SHANK2: variants seen among roughly 807,000 people sequenced by gnomAD.
SHANK2 encodes SH3 and multiple ankyrin repeat domains protein 2.
In SHANK2, 43 loss-of-function variants were observed where a neutral mutation model predicts 133.7. The ratio of observed to expected loss-of-function variants is 0.32; its 90% confidence interval spans 0.25 to 0.41. The LOEUF is 0.41. Among genes scored for constraint, SHANK2 ranks in the 10% least tolerant of loss-of-function variants. The probability of loss-of-function intolerance (pLI) is 1.00; values close to 1 mark genes in which losing one functional copy is unlikely to be tolerated. For missense variants in SHANK2, 1,994 were observed against 2,235.8 expected (o/e 0.89, Z 2.18); for synonymous variants, 1,017 against 952.8 (o/e 1.07, Z -1.24).
chr11:70,594,383 C>T (rs1554988871), intron 17 of SHANK2, among the ~76,000 whole-genome samples: 1 of 152,172 alleles, frequency 6.6e-6, no homozygotes, highest in Admixed American at 6.5e-5. Flanking sequence ...AAAAGTCACA[C>T]AGTTGGCCCT....
At chr11:71,248,072 C>G (rs371409848) in intron 1 of SHANK2, among the ~76,000 whole-genome samples, 1 of 152,230 alleles carries the variant, frequency 6.6e-6, no homozygotes, top group Non-Finnish European at 1.5e-5. Flanking sequence ...GAGACCCAGG[C>G]TATGGTCCCT....
chr11:70,646,834 TTTA>T (rs782243641), intron 17 of SHANK2, among the ~76,000 whole-genome samples: 4,281 of 77,504 alleles, frequency 0.055, 100 homozygotes, highest in African/African-American at 0.12. Flanking sequence ...ATTTATTTTA[TTTA>T]TTTATTTATT....
Position 70,874,258 on chromosome 11 carries a change from T to A in SHANK2, c.1174+22243A>T, listed in dbSNP as rs78052325. On this transcript the variant is annotated intron_variant, in intron 11 of 25. Transcript: ENST00000601538. Reference sequence around the variant, plus strand: ...CACCCATCCAGCTATCCCTCTAATCTAATCTAATCCAATCTAATCTAATCT... The same window carrying A: ...CACCCATCCAGCTATCCCTCTAATCAAATCTAATCCAATCTAATCTAATCT... Among the ~76,000 whole-genome samples the A allele has an allele frequency of 4.1e-3, 626 of 152,076 alleles. 5 individuals carry two copies. Among genetic ancestry groups the A allele is most frequent in the African/African-American group, 0.015 (609 of 41,458 alleles).
chr11:70,737,593 C>T (rs1429813802), intron 14 of SHANK2, among the ~76,000 whole-genome samples: 7 of 152,222 alleles, frequency 4.6e-5, no homozygotes, highest in Non-Finnish European at 7.3e-5. Flanking sequence ...CCATTTCTCT[C>T]CAGGAGACTG....
At chr11:71,190,783 G>A (rs1953777195) in intron 2 of SHANK2, among the ~76,000 whole-genome samples, 1 of 152,212 alleles carries the variant, frequency 6.6e-6, no homozygotes, top group South Asian at 2.1e-4. Context: ...ACCCTGGGCT[G>A]CGTGGCCTGC....
chr11:70,765,238 T>C (rs1475961138), intron 14 of SHANK2, among the ~76,000 whole-genome samples: 1 of 152,196 alleles, frequency 6.6e-6, no homozygotes, highest in Non-Finnish European at 1.5e-5. Flanking sequence ...ATGCATGCAA[T>C]TCAGGTCTGG....
At chr11:71,154,263 T>C (rs1379282107) in intron 2 of SHANK2, among the ~76,000 whole-genome samples, 8 of 152,180 alleles carry the variant, frequency 5.3e-5, no homozygotes, top group African/African-American at 9.6e-5. Flanking sequence ...CAGCACTCCA[T>C]TGGAACCTGT....
At chr11:70,843,015 C>T (rs1190847309) in intron 11 of SHANK2, among the ~76,000 whole-genome samples, 2 of 152,154 alleles carry the variant, frequency 1.3e-5, no homozygotes, top group African/African-American at 2.4e-5. Flanking sequence ...CACAGAGCTG[C>T]CCACACCACA....
rs570177124 is a variant in SHANK2, at chr11:70,718,210, C to T, written c.1778-19447G>A. The stretch of plus-strand genomic sequence containing the variant: ...GGCCGGAGGTGTCACTTAGAGGCGG[C>T]AGCTGTCCTCGTCCCCAGTAATTGC... On this transcript the variant is annotated intron_variant, in intron 14 of 25. Transcript: ENST00000601538. 4.3e-3 allele frequency among the ~76,000 whole-genome samples: 652 copies of T among 152,306 alleles called. 4 individuals are homozygous for T. Among genetic ancestry groups the T allele is most frequent in the African/African-American group, 0.015 (619 of 41,554 alleles).
At chr11:70,523,097 G>T (rs1295321041) in intron 17 of SHANK2, among the ~76,000 whole-genome samples, 8 of 152,226 alleles carry the variant, frequency 5.3e-5, no homozygotes, top group Admixed American at 5.2e-4. Flanking sequence ...AGGGGCAGCT[G>T]CTTGTCTCCT....
intron 12 of SHANK2, among the ~76,000 whole-genome samples, chr11:70,818,615 A>G (rs1948453127): frequency 6.6e-6 from 1 of 152,056 alleles, no homozygotes; most frequent in Non-Finnish European, 1.5e-5. Context: ...TTAGCTTCCC[A>G]TTGTTCTCAG....
At chr11:70,502,015 C>A (rs782414905) in intron 19 of SHANK2, 84 bp from the exon 20 acceptor site, 71 of 1,455,922 alleles carry the variant, frequency 4.9e-5, no homozygotes, top group Non-Finnish European at 6.4e-5. Flanking sequence ...CAACGCCCCG[C>A]GAGGCTCCGA....
In SHANK2 at chr11:71,188,525, C is replaced by T. The variant is rs1953721642; in HGVS notation, c.-13+36172G>A. Among the ~76,000 whole-genome samples, 1 of 152,192 alleles carries T rather than the reference C, an allele frequency of 6.6e-6. No individual in the cohort carries two copies. The highest frequency in any genetic ancestry group is 1.5e-5 in the Non-Finnish European group (1 of 68,034). On this transcript the variant is annotated intron_variant, in intron 2 of 25. Transcript: ENST00000601538. This position sits in a 1 kb window ranked among gnomAD's most constrained non-coding sequence, Gnocchi z 4.6. ...TTTACAGTGGACGTACGAAAAGGCA[C>T]AGGAATACTGAGTAATTGAAAGGTG... is the stretch of plus-strand genomic sequence containing the variant.
At chr11:70,559,380 C>T (rs1183401576) in intron 17 of SHANK2, among the ~76,000 whole-genome samples, 2 of 152,142 alleles carry the variant, frequency 1.3e-5, no homozygotes, top group South Asian at 2.1e-4. Flanking sequence ...ATGCAGAGAG[C>T]GTTCAGAGAG....
chr11:70,647,812 A>G (rs1251959629), intron 17 of SHANK2, among the ~76,000 whole-genome samples: 4 of 152,094 alleles, frequency 2.6e-5, no homozygotes, highest in Admixed American at 2.6e-4. Context: ...TGAACTCAGC[A>G]CTCACTGAAC....
intron 6 of SHANK2, among the ~76,000 whole-genome samples, chr11:71,103,480 C>T (rs1422771996): frequency 2.0e-5 from 3 of 152,160 alleles, no homozygotes; most frequent in Admixed American, 2.0e-4. Flanking sequence ...GGAGGCAGCC[C>T]GCCAAAGCCA....
chr11:70,822,506 T>C (rs1337309466), intron 11 of SHANK2, among the ~76,000 whole-genome samples: 2 of 143,678 alleles, frequency 1.4e-5, no homozygotes, highest in Non-Finnish European at 3.0e-5. Context: ...GGGACAGAGG[T>C]GGAGTTGGCA....
At chr11:71,082,329 C>G (rs1951311823) in intron 8 of SHANK2, among the ~76,000 whole-genome samples, 1 of 152,194 alleles carries the variant, frequency 6.6e-6, no homozygotes, top group Non-Finnish European at 1.5e-5. Context: ...CATCTCAGTG[C>G]CTAGGCAATG....
intron 17 of SHANK2, among the ~76,000 whole-genome samples, chr11:70,510,020 G>A (rs950597006): frequency 1.3e-5 from 2 of 152,178 alleles, no homozygotes; most frequent in Non-Finnish European, 2.9e-5. Flanking sequence ...AGCTGTTTCC[G>A]TCTCCCATCC....
Sources: allele counts gnomAD v4.1 joint callset (sites outside exome capture counted in the v4.1 genomes callset), GRCh38; gene constraint gnomAD v4.1.1; non-coding constraint Gnocchi (gnomAD v3.1); transcripts MANE v1.5; gene names NCBI Gene and HGNC (gene_info 2026-07-23, HGNC 2026-07-21).